THRB: variants seen among roughly 807,000 people sequenced by gnomAD.
THRB encodes nuclear receptor subfamily 1 group A member 2.
Under a neutral mutation model 47.8 loss-of-function variants are expected in THRB, and 12 were observed. The observed-to-expected ratio is 0.25, with a 90% CI of 0.16 to 0.41. THRB has a LOEUF of 0.41. THRB is among the 10% of genes least tolerant of loss of function. The probability of loss-of-function intolerance (pLI) is 1.00; values close to 1 mark genes in which losing one functional copy is unlikely to be tolerated. For synonymous variants in THRB, 218 were observed against 212.2 expected (o/e 1.03, Z -0.24); for missense variants, 348 against 589.2 (o/e 0.59, Z 4.24).
At chr3:24,253,828 G>A (rs1254945873) in intron 3 of THRB, among the ~76,000 whole-genome samples, 1 of 151,762 alleles carries the variant, frequency 6.6e-6, no homozygotes, top group Non-Finnish European at 1.5e-5. Context: ...AATGAGATTG[G>A]GTTTGAAAAC....
intron 3 of THRB, among the ~76,000 whole-genome samples, chr3:24,295,310 G>A (rs937879384): frequency 2.6e-5 from 4 of 152,216 alleles, no homozygotes; most frequent in African/African-American, 9.7e-5. Flanking sequence ...GAAGATGCAA[G>A]AAGGTACATT....
intron 1 of THRB, among the ~76,000 whole-genome samples, chr3:24,425,940 C>G (rs2069718481): frequency 1.3e-5 from 2 of 151,922 alleles, no homozygotes; most frequent in Admixed American, 1.3e-4. Flanking sequence ...ATTTCAGAGC[C>G]TTTCTGGATT....
chr3:24,143,964 C>T, intron 7 of THRB: 1 of 535,364 alleles, frequency 1.9e-6, no homozygotes, highest in Non-Finnish European at 3.4e-6. Context: ...AACCTAGACA[C>T]TGCGCACTCC....
intron 1 of THRB, among the ~76,000 whole-genome samples, chr3:24,392,176 TATTATG>T (rs2066626797): frequency 6.6e-6 from 1 of 152,190 alleles, no homozygotes; most frequent in Non-Finnish European, 1.5e-5. Flanking sequence ...TTTAACATTT[TATTATG>T]GTTTAATTTA....
At chr3:24,268,395 C>T (rs1372438844) in intron 3 of THRB, among the ~76,000 whole-genome samples, 3 of 152,082 alleles carry the variant, frequency 2.0e-5, no homozygotes, top group African/African-American at 4.8e-5. Context: ...AAATGAGATC[C>T]TTTAAAAAAT....
chr3:24,401,241 C>T (rs1239036616), intron 1 of THRB, among the ~76,000 whole-genome samples: 1 of 151,994 alleles, frequency 6.6e-6, no homozygotes, highest in African/African-American at 2.4e-5. Context: ...ACATGTGAGG[C>T]TATAAAAATG....
chr3:24,314,803 C>T (rs1012725488), intron 2 of THRB, among the ~76,000 whole-genome samples: 21 of 152,024 alleles, frequency 1.4e-4, no homozygotes, highest in African/African-American at 4.8e-4. Flanking sequence ...GTATGGTACT[C>T]GAGGAAACTA....
chr3:24,460,915 A>C (rs1223823170), intron 1 of THRB, among the ~76,000 whole-genome samples: 1 of 152,218 alleles, frequency 6.6e-6, no homozygotes, highest in Non-Finnish European at 1.5e-5. Flanking sequence ...GCATTTTAGC[A>C]GAAGATTCCA....
intron 6 of THRB, among the ~76,000 whole-genome samples, chr3:24,148,644 G>A (rs1202274329): frequency 1.3e-5 from 2 of 152,190 alleles, no homozygotes; most frequent in African/African-American, 4.8e-5. Context: ...GGAAATATCA[G>A]TTGATCTAGA....
intron 4 of THRB, 101 bp downstream of exon 4, chr3:24,228,837 G>A (rs2047959508): frequency 1.0e-5 from 11 of 1,076,478 alleles, no homozygotes; most frequent in Admixed American, 4.0e-5. Flanking sequence ...TGGAAATAAC[G>A]GTTGCTAAAA....
At chr3:24,473,865 AC>A (rs1362316528) in intron 1 of THRB, among the ~76,000 whole-genome samples, 1 of 152,152 alleles carries the variant, frequency 6.6e-6, no homozygotes, top group Non-Finnish European at 1.5e-5. Context: ...ACATGTTCTC[AC>A]TCATAAGTTG....
intron 3 of THRB, 78 bp downstream of exon 3, chr3:24,297,148 G>T (rs763547437): frequency 6.6e-6 from 1 of 152,216 alleles, no homozygotes; most frequent in Non-Finnish European, 1.5e-5. Context: ...AGTGATGAGT[G>T]AGTAATAGGA....
chr3:24,139,389 CTT>C (rs5847276), intron 8 of THRB, among the ~76,000 whole-genome samples: 2 of 144,058 alleles, frequency 1.4e-5, no homozygotes. Flanking sequence ...TCTTTTCTTT[CTT>C]TTTTTTTTTT....
At chr3:24,351,578 T>C (rs1373755681) in intron 1 of THRB, among the ~76,000 whole-genome samples, 1 of 152,192 alleles carries the variant, frequency 6.6e-6, no homozygotes, top group Non-Finnish European at 1.5e-5. Flanking sequence ...TTCTCACCTT[T>C]TGTTCTTATT....
At chr3:24,139,937 G>A (rs375056964) in intron 8 of THRB, among the ~76,000 whole-genome samples, 8 of 152,078 alleles carry the variant, frequency 5.3e-5, no homozygotes, top group East Asian at 1.9e-4. Flanking sequence ...TAAATAACAC[G>A]TGGCAGTGTT....
In THRB at chr3:24,294,413, C is replaced by G. The variant is rs77583643; in HGVS notation, c.-43+2813G>C. On this transcript the variant is annotated intron_variant, in intron 3 of 10. Transcript: ENST00000646209. ...TGATTTGTTACACATTATTGAGTAA[C>G]TGACTCACCCAACCTCCCTTAATGC... is the stretch of plus-strand genomic sequence containing the variant. Among the ~76,000 whole-genome samples, 289 of 152,302 alleles carry G rather than the reference C, an allele frequency of 1.9e-3. 1 individual carries two copies. The East Asian group carries it at 0.043, about 23-fold the overall frequency.
chr3:24,318,256 G>A (rs2058256125), intron 2 of THRB: 1 of 152,214 alleles, frequency 6.6e-6, no homozygotes, highest in Admixed American at 6.5e-5. Flanking sequence ...TTCATGATCA[G>A]CCCTGTACAC....
At chr3:24,140,628 TC>T (rs1282540136) in intron 8 of THRB, among the ~76,000 whole-genome samples, 4 of 152,100 alleles carry the variant, frequency 2.6e-5, no homozygotes, top group African/African-American at 9.7e-5. Flanking sequence ...GTGGCTTCCC[TC>T]CCCCAAGGTA....
chr3:24,433,863 G>C (rs925380175), intron 1 of THRB, among the ~76,000 whole-genome samples: 1 of 152,134 alleles, frequency 6.6e-6, no homozygotes, highest in Non-Finnish European at 1.5e-5. Flanking sequence ...CCCTGGATGG[G>C]AGTAAGGAAT....
Sources: gnomAD v4.1 joint callset for allele counts (sites outside exome capture counted in the v4.1 genomes callset) on GRCh38, gnomAD v4.1.1 for gene constraint, MANE v1.5 for transcripts, NCBI Gene and HGNC (gene_info 2026-07-23, HGNC 2026-07-21) for gene names.